TEX264: variants seen among roughly 807,000 people sequenced by gnomAD.
TEX264 encodes testis-expressed protein 264.
A neutral mutation model predicts 23.4 loss-of-function variants in TEX264; 13 were observed. The ratio of observed to expected loss-of-function variants is 0.56; its 90% confidence interval spans 0.36 to 0.88. The LOEUF is 0.88. Ranked by LOEUF, TEX264 falls within the 40% of genes least tolerant of loss-of-function variation. The probability of loss-of-function intolerance (pLI) is 0.01; values close to 1 mark genes in which losing one functional copy is unlikely to be tolerated. For synonymous variants in TEX264, 159 were observed against 170.0 expected, an observed-to-expected ratio of 0.94 and a Z score of 0.50; for missense variants, 340 against 406.8, an observed-to-expected ratio of 0.84 and a Z score of 1.41.
intron 3 of TEX264, among the ~76,000 whole-genome samples, chr3:51,694,159 T>C (rs1409776658): frequency 1.4e-5 from 2 of 142,672 alleles, no homozygotes; most frequent in South Asian, 4.8e-4. Context: ...TTCTTTCTTG[T>C]TTTGCTCTGT....
chr3:51,698,233 T>C (rs1375588810), intron 3 of TEX264, among the ~76,000 whole-genome samples: 2 of 152,208 alleles, frequency 1.3e-5, no homozygotes, highest in African/African-American at 2.4e-5. Flanking sequence ...AGGAGGTTCC[T>C]CAACCCTAGG....
chr3:51,672,576 C>T (rs1702086452), intron 1 of TEX264, among the ~76,000 whole-genome samples: 1 of 152,092 alleles, frequency 6.6e-6, no homozygotes, highest in Non-Finnish European at 1.5e-5. Context: ...GCTTTGGGCT[C>T]AGAGATGTCC....
chr3:51,692,801 AG>A (rs1702874624), intron 3 of TEX264, among the ~76,000 whole-genome samples: 2 of 152,228 alleles, frequency 1.3e-5, no homozygotes. Flanking sequence ...CAGATTTGCA[AG>A]GGAGAGCAAT....
At chr3:51,699,277 G>A in intron 3 of TEX264, 129 bp from the exon 4 acceptor site, 1 of 915,618 alleles carries the variant, frequency 1.1e-6, no homozygotes, top group Non-Finnish European at 1.7e-6. Context: ...TTTGGAACTT[G>A]GAAGAGGTTG....
At position 51,684,330 on chromosome 3, in the gene TEX264, G is replaced by C. The variant is rs1577505610; in HGVS notation, c.259-83G>C. On this transcript the variant is annotated intron_variant, in intron 2 of 4. Transcript: ENST00000341333. Reference sequence around the variant, plus strand: ...CAGAGCTGCTGGTTCTTTTAGGCCTGATCTGGCACAGTCCCAGGAGGAAGG... The same window carrying C: ...CAGAGCTGCTGGTTCTTTTAGGCCTCATCTGGCACAGTCCCAGGAGGAAGG... 9 of 1,301,948 alleles carry C rather than the reference G, an allele frequency of 6.9e-6. No individual in the cohort carries two copies. The East Asian group carries it at 2.1e-4, about 31-fold the overall frequency. 80.6% of individuals were successfully genotyped at this position (1,301,948 alleles called of 1,614,324 possible). A position where few individuals can be genotyped will look rare whatever the true frequency, so the allele number is the denominator to read the frequency against.
chr3:51,694,019 CT>C, intron 3 of TEX264, among the ~76,000 whole-genome samples: 2 of 138,818 alleles, frequency 1.4e-5, no homozygotes, highest in African/African-American at 5.4e-5. Context: ...TCCTTCCTTC[CT>C]TCCTTCCTTC....
chr3:51,687,090 T>C (rs1246516670), intron 3 of TEX264, among the ~76,000 whole-genome samples: 1 of 151,898 alleles, frequency 6.6e-6, no homozygotes, highest in African/African-American at 2.4e-5. Context: ...GGAGTGGGGG[T>C]TGAGACAAGG....
chr3:51,681,250 G>A (rs191625559), intron 2 of TEX264: 1 of 152,410 alleles, frequency 6.6e-6, no homozygotes, highest in Non-Finnish European at 1.5e-5. Flanking sequence ...TCCAGGTGGA[G>A]GGAGAGGAAG....
At chr3:51,680,696 A>G (rs1230901271) in intron 2 of TEX264, among the ~76,000 whole-genome samples, 1 of 152,204 alleles carries the variant, frequency 6.6e-6, no homozygotes, top group African/African-American at 2.4e-5. Flanking sequence ...GGGCAGAGGT[A>G]CCCAGAGAAA....
chr3:51,694,032 TTCC>T (rs1702937967), intron 3 of TEX264, among the ~76,000 whole-genome samples: 1 of 139,170 alleles, frequency 7.2e-6, no homozygotes, highest in South Asian at 2.4e-4. Flanking sequence ...CCTTCCTTCC[TTCC>T]TTCCTTCCTT....
intron 3 of TEX264, among the ~76,000 whole-genome samples, chr3:51,688,776 C>T (rs1702717913): frequency 6.6e-6 from 1 of 152,046 alleles, no homozygotes; most frequent in South Asian, 2.1e-4. Context: ...GTGAGGGGAA[C>T]CTTGGTGGCC....
intron 2 of TEX264, chr3:51,684,206 T>G (rs2106941744): frequency 5.1e-6 from 3 of 584,914 alleles, no homozygotes; most frequent in Non-Finnish European, 6.1e-6. Context: ...AAGGAATAGA[T>G]GAGAGTCCTG....
Position 51,691,817 on chromosome 3 carries a change from A to G in TEX264, c.480+7183A>G, listed in dbSNP as rs966243634. ...CAGAGGCCACAGTCAAATTCTGCAC[A>G]AAGATAATGCAAGTTAGCTGAAAGT... On this transcript the variant is annotated intron_variant, in intron 3 of 4. Coordinates refer to ENST00000341333, the MANE Select transcript of TEX264 (RefSeq NM_015926.6). The surrounding 1 kb of genome is among the most constrained non-coding windows in gnomAD (Gnocchi z 4.4). Among the ~76,000 whole-genome samples the G allele has an allele frequency of 1.3e-5, 2 of 152,242 alleles. No homozygotes were observed. Among genetic ancestry groups the G allele is most frequent in the African/African-American group, 4.8e-5 (2 of 41,462 alleles).
At chr3:51,696,994 G>C (rs1041960341) in intron 3 of TEX264, among the ~76,000 whole-genome samples, 1 of 152,226 alleles carries the variant, frequency 6.6e-6, no homozygotes, top group African/African-American at 2.4e-5. Flanking sequence ...TGAGGAGGGA[G>C]AGCTGGGCAG....
intron 2 of TEX264, chr3:51,681,578 G>C (rs1314174100): frequency 6.6e-6 from 1 of 152,458 alleles, no homozygotes; most frequent in Non-Finnish European, 1.5e-5. Context: ...GACATTTCAG[G>C]CAGAGGAAGT....
chr3:51,704,004 G>C lies in TEX264; in HGVS notation c.930G>C (p.Lys310Asn). ...TCTGGGAGCCCACTGCCCCTGAGAA[G>C]GGCAAGGAGTAACCCATGGCCTGCA... Reference protein sequence around the residue: ...KWLWEPTAPEKGKE With the variant: ...KWLWEPTAPENGKE Residue 310 changes from lysine to asparagine, a missense_variant, in exon 5 of 5, where the codon AAG (lysine) becomes AAC (asparagine). Transcript: ENST00000341333. 6.5e-7 allele frequency: 1 copy of C among 1,529,654 alleles called. No individual in the cohort carries two copies. The highest frequency in any genetic ancestry group is 1.2e-5 in the South Asian group (1 of 80,424). 94.8% of individuals were successfully genotyped at this position (1,529,654 alleles called of 1,614,324 possible).
At chr3:51,672,316 C>T (rs577981946) in intron 1 of TEX264, 1 of 152,220 alleles carries the variant, frequency 6.6e-6, no homozygotes, top group Non-Finnish European at 1.5e-5. Flanking sequence ...GCTCCCAGAC[C>T]TTCTTCCTTT....
chr3:51,680,496 CAGG>C (rs1195262587), intron 2 of TEX264, among the ~76,000 whole-genome samples: 2 of 152,222 alleles, frequency 1.3e-5, no homozygotes, highest in African/African-American at 2.4e-5. Context: ...TAATGGGACT[CAGG>C]AGGCTTTTCA....
At position 51,694,113 on chromosome 3, in the gene TEX264, T is replaced by G. The variant is rs1426172015; in HGVS notation, c.481-5293T>G. Among the ~76,000 whole-genome samples the G allele has an allele frequency of 4.8e-5, 7 of 146,438 alleles. No individual in the cohort carries two copies. In the South Asian group the frequency reaches 7.0e-4, roughly 15 times the overall value. On this transcript the variant is annotated intron_variant, in intron 3 of 4. Transcript: ENST00000341333. The stretch of plus-strand genomic sequence containing the variant: ...CTTCCTTCCTTCCTTCCTTCCTTCC[T>G]TCCTTCCTTCCTTCCTTCCTTCCTT...
Sources: allele counts gnomAD v4.1 joint callset (sites outside exome capture counted in the v4.1 genomes callset), GRCh38; gene constraint gnomAD v4.1.1; non-coding constraint Gnocchi (gnomAD v3.1); transcripts MANE v1.5; gene names NCBI Gene and HGNC (gene_info 2026-07-23, HGNC 2026-07-21).